AHCYL2: variants seen among roughly 807,000 people sequenced by gnomAD.
AHCYL2 encodes S-adenosylhomocysteine hydrolase-like protein 2.
Under a neutral mutation model 81.4 loss-of-function variants are expected in AHCYL2, and 28 were observed. The observed-to-expected ratio is 0.34, with a 90% CI of 0.25 to 0.47. The LOEUF (loss-of-function observed/expected upper bound fraction) is 0.47. Among genes scored for constraint, AHCYL2 ranks in the 20% least tolerant of loss-of-function variants. The pLI is 1.00. For synonymous variants in AHCYL2, 272 were observed against 290.2 expected, an observed-to-expected ratio of 0.94 and a Z score of 0.64; for missense variants, 551 against 785.1, an observed-to-expected ratio of 0.70 and a Z score of 3.56.
At chr7:129,384,593 A>C (rs981917518) in intron 2 of AHCYL2, among the ~76,000 whole-genome samples, 5 of 152,146 alleles carry the variant, frequency 3.3e-5, no homozygotes, top group African/African-American at 1.2e-4. Flanking sequence ...TTTCCTGTCC[A>C]AAGTGCTTGT....
Position 129,389,075 on chromosome 7 carries a change from C to T in AHCYL2, c.495C>T (p.Ser165=). 6.2e-7 allele frequency: 1 copy of T among 1,613,340 alleles called. No homozygotes were observed. The highest frequency in any genetic ancestry group is 1.1e-5 in the South Asian group (1 of 91,048). ...TTCCAGCGGCTTCATATACAGATAG[C>T]TCTGATGATGAGACATCGCCCAGGG... ...SYSSAASYTD[S]SDDETSPRDK... The change falls in exon 3 of 17, where the codon AGC becomes AGT. Residue 165 remains serine (S), a synonymous_variant. Coordinates refer to ENST00000325006, the MANE Select transcript of AHCYL2 (RefSeq NM_015328.4).
chr7:129,259,967 T>A (rs947720936), intron 1 of AHCYL2, among the ~76,000 whole-genome samples: 1 of 152,112 alleles, frequency 6.6e-6, no homozygotes, highest in East Asian at 1.9e-4. Context: ...TCCCAGCTAC[T>A]TGGGAGACTG....
chr7:129,411,252 A>G (rs1016556843), intron 11 of AHCYL2, among the ~76,000 whole-genome samples: 7 of 152,138 alleles, frequency 4.6e-5, no homozygotes, highest in Admixed American at 3.9e-4. Context: ...ATGCAGTTCA[A>G]TGGCTTTTAG....
intron 2 of AHCYL2, among the ~76,000 whole-genome samples, chr7:129,384,187 C>T (rs975490710): frequency 6.6e-6 from 1 of 150,634 alleles, no homozygotes; most frequent in African/African-American, 2.4e-5. Flanking sequence ...GTCAAATTTT[C>T]CTCCTTTATT....
At chr7:129,286,360 C>T (rs1285674746) in intron 1 of AHCYL2, among the ~76,000 whole-genome samples, 2 of 152,064 alleles carry the variant, frequency 1.3e-5, no homozygotes, top group African/African-American at 2.4e-5. Context: ...AAGCTTCTCT[C>T]CATGAGACTT....
Position 129,358,060 on chromosome 7 carries a change from C to T in AHCYL2, c.364-21578C>T, listed in dbSNP as rs1009721630. On this transcript the variant is annotated intron_variant, in intron 1 of 16. Coordinates refer to ENST00000325006, the MANE Select transcript of AHCYL2 (RefSeq NM_015328.4). ...GCCTATCGACAGATGAATGGATAAACAAAATGTGGCATAGACATAAAATGG... is the reference window on the plus strand; with the variant it reads ...GCCTATCGACAGATGAATGGATAAATAAAATGTGGCATAGACATAAAATGG... Among the ~76,000 whole-genome samples the T allele has an allele frequency of 3.3e-5, 5 of 151,870 alleles. No homozygotes were observed. In the South Asian group the frequency reaches 1.0e-3, roughly 32 times the overall value.
chr7:129,260,151 G>C (rs991392677), intron 1 of AHCYL2, among the ~76,000 whole-genome samples: 3 of 150,252 alleles, frequency 2.0e-5, no homozygotes, highest in Non-Finnish European at 4.4e-5. Flanking sequence ...TGCCTGCTTA[G>C]CTTGTGCCAG....
intron 1 of AHCYL2, among the ~76,000 whole-genome samples, chr7:129,366,758 A>G (rs1436995405): frequency 2.0e-5 from 3 of 147,788 alleles, no homozygotes; most frequent in Non-Finnish European, 4.5e-5. Flanking sequence ...CCTGGGCAAC[A>G]AGAGCAAAAC....
At chr7:129,254,368 T>C (rs543343294) in intron 1 of AHCYL2, among the ~76,000 whole-genome samples, 1 of 152,318 alleles carries the variant, frequency 6.6e-6, no homozygotes, top group African/African-American at 2.4e-5. Context: ...TGTAACTGCT[T>C]ATACCTTTCA....
chr7:129,313,424 G>A (rs1477849533), intron 1 of AHCYL2, among the ~76,000 whole-genome samples: 3 of 152,318 alleles, frequency 2.0e-5, no homozygotes, highest in East Asian at 1.9e-4. Context: ...TGTTCTGGCC[G>A]TGAGTGTGGT....
At chr7:129,425,888 CCAAA>C (rs1400718011) in intron 15 of AHCYL2, among the ~76,000 whole-genome samples, 8 of 152,094 alleles carry the variant, frequency 5.3e-5, no homozygotes, top group African/African-American at 1.4e-4. Flanking sequence ...AGTTGGGAGA[CCAAA>C]CAAATACATA....
At chr7:129,353,558 ATTTAC>A (rs965402596) in intron 1 of AHCYL2, among the ~76,000 whole-genome samples, 4 of 150,912 alleles carry the variant, frequency 2.7e-5, no homozygotes, top group Admixed American at 1.3e-4. Context: ...TCATCTATCT[ATTTAC>A]TTAATTTTTT....
At chr7:129,399,113 G>A (rs944284716) in intron 5 of AHCYL2, among the ~76,000 whole-genome samples, 1 of 123,958 alleles carries the variant, frequency 8.1e-6, no homozygotes, top group East Asian at 2.6e-4. Context: ...CTGCACTCTA[G>A]CCTGGGTGAC....
rs374459328 is a variant in AHCYL2, at chr7:129,279,400, C to T, written c.363+53961C>T. On this transcript the variant is annotated intron_variant, in intron 1 of 16. Coordinates refer to ENST00000325006, the MANE Select transcript of AHCYL2 (RefSeq NM_015328.4). ...CCAACCTCAGGTGATCCCCCCACCCCGGCTTCCTGGCCAGTGTTTAATAGT... is the reference window on the plus strand; with the variant it reads ...CCAACCTCAGGTGATCCCCCCACCCTGGCTTCCTGGCCAGTGTTTAATAGT... Among the ~76,000 whole-genome samples the T allele has an allele frequency of 5.9e-5, 9 of 152,244 alleles. No homozygotes were observed. In the East Asian group the frequency reaches 7.7e-4, roughly 13 times the overall value.
At chr7:129,287,345 C>CA (rs1174509174) in intron 1 of AHCYL2, among the ~76,000 whole-genome samples, 1 of 152,204 alleles carries the variant, frequency 6.6e-6, no homozygotes, top group Non-Finnish European at 1.5e-5. Flanking sequence ...AAAAGAGAAA[C>CA]ACAAGAGTTA....
At chr7:129,298,160 G>A (rs942936084) in intron 1 of AHCYL2, among the ~76,000 whole-genome samples, 4 of 152,190 alleles carry the variant, frequency 2.6e-5, no homozygotes, top group Admixed American at 6.5e-5. Flanking sequence ...GAGAGAAAAC[G>A]ATCAGAAAAT....
chr7:129,335,991 T>C (rs1021661566), intron 1 of AHCYL2, among the ~76,000 whole-genome samples: 4 of 152,096 alleles, frequency 2.6e-5, no homozygotes, highest in Non-Finnish European at 4.4e-5. Context: ...GTAGATGGCT[T>C]CTATTGAGAA....
At chr7:129,265,589 GGAGTA>G (rs1375129830) in intron 1 of AHCYL2, among the ~76,000 whole-genome samples, 6 of 152,176 alleles carry the variant, frequency 3.9e-5, no homozygotes, top group African/African-American at 1.4e-4. Context: ...ACGTGCAGCT[GGAGTA>G]GAGTAAGTAA....
At chr7:129,270,526 T>C (rs1215394269) in intron 1 of AHCYL2, among the ~76,000 whole-genome samples, 1 of 152,180 alleles carries the variant, frequency 6.6e-6, no homozygotes, top group East Asian at 1.9e-4. Flanking sequence ...CAGATAAATA[T>C]ATAATAGACA....
Sources: gnomAD v4.1 joint callset for allele counts (sites outside exome capture counted in the v4.1 genomes callset) on GRCh38, gnomAD v4.1.1 for gene constraint, MANE v1.5 for transcripts, NCBI Gene and HGNC (gene_info 2026-07-23, HGNC 2026-07-21) for gene names.